The following PTPRN2 variants were observed in gnomAD, a reference collection of about 807,000 sequenced individuals.
PTPRN2 encodes receptor-type tyrosine-protein phosphatase N2.
PTPRN2 carries 74 observed loss-of-function variants against 118.8 expected under a neutral mutation model. That is an observed-to-expected ratio of 0.62 (90% CI 0.52 to 0.76). The LOEUF is 0.76. Among genes scored for constraint, PTPRN2 ranks in the 30% least tolerant of loss-of-function variants. PTPRN2 has a pLI of 0.00. For synonymous variants in PTPRN2, 641 were observed against 608.0 expected (o/e 1.05, Z -0.80); for missense variants, 1,481 against 1,394.4 (o/e 1.06, Z -0.99).
chr7:158,246,955 G>T (rs1276884583), intron 3 of PTPRN2, among the ~76,000 whole-genome samples: 1 of 152,214 alleles, frequency 6.6e-6, no homozygotes, highest in African/African-American at 2.4e-5. Flanking sequence ...GCCATCAGAA[G>T]CCATCTCCAC....
intron 13 of PTPRN2, chr7:157,669,504 C>A: frequency 2.1e-6 from 1 of 478,924 alleles, no homozygotes; most frequent in Non-Finnish European, 4.2e-6. Context: ...CAGGCCCCTC[C>A]CCGCTCCTGA....
At chr7:157,828,417 G>A (rs1354973272) in intron 12 of PTPRN2, among the ~76,000 whole-genome samples, 2 of 152,146 alleles carry the variant, frequency 1.3e-5, no homozygotes, top group African/African-American at 2.4e-5. Flanking sequence ...GCAAGCCCTC[G>A]GCACCCACAG....
intron 16 of PTPRN2, among the ~76,000 whole-genome samples, chr7:157,595,653 CCGGA>C (rs1801288976): frequency 1.4e-5 from 2 of 146,278 alleles, no homozygotes; most frequent in East Asian, 2.3e-4. Flanking sequence ...GTTAGGAAGC[CCGGA>C]AGTTAGGGAG....
chr7:158,445,725 G>C (rs1277232392), intron 2 of PTPRN2, among the ~76,000 whole-genome samples: 2 of 152,216 alleles, frequency 1.3e-5, no homozygotes, highest in Non-Finnish European at 2.9e-5. Context: ...GTGGGGCCAG[G>C]AGACCCTGAG....
intron 2 of PTPRN2, among the ~76,000 whole-genome samples, chr7:158,362,708 CG>C (rs55835654): frequency 0.93 from 141,327 of 152,222 alleles, 65,640 homozygotes; most frequent in Non-Finnish European, 0.94. Flanking sequence ...ATCACAACCA[CG>C]CTCATCCTGG....
intron 3 of PTPRN2, among the ~76,000 whole-genome samples, chr7:158,247,567 T>C (rs972973566): frequency 6.6e-5 from 10 of 152,178 alleles, no homozygotes; most frequent in African/African-American, 2.4e-4. Flanking sequence ...TTGCTCCCTC[T>C]CCAGCCACAC....
intron 11 of PTPRN2, among the ~76,000 whole-genome samples, chr7:158,045,120 T>C (rs900443598): frequency 1.3e-5 from 2 of 152,202 alleles, no homozygotes; most frequent in African/African-American, 4.8e-5. Context: ...CAGAGATTGA[T>C]GCTGAAACCA....
At chr7:157,826,013 G>T (rs1383454459) in intron 12 of PTPRN2, among the ~76,000 whole-genome samples, 1 of 152,190 alleles carries the variant, frequency 6.6e-6, no homozygotes, top group East Asian at 1.9e-4. Context: ...CCCCGTGCAT[G>T]TAAGGGGTCA....
Position 158,454,594 on chromosome 7 carries a change from G to A in PTPRN2, c.163+35141C>T, listed in dbSNP as rs141105981. Among the ~76,000 whole-genome samples, 779 of 151,564 alleles carry A rather than the reference G, an allele frequency of 5.1e-3. 10 individuals are homozygous for A. The highest frequency in any genetic ancestry group is 0.017 in the African/African-American group (721 of 41,298). On this transcript the variant is annotated intron_variant, in intron 2 of 22. Coordinates refer to ENST00000389418, the MANE Select transcript of PTPRN2 (RefSeq NM_002847.5). ...GAGGATTGGGGACGGTTGCTACAGA[G>A]GACAGACAAGACACAACGCACACAA...
chr7:158,519,413 G>C (rs1823819627), intron 1 of PTPRN2, among the ~76,000 whole-genome samples: 1 of 152,106 alleles, frequency 6.6e-6, no homozygotes, highest in Non-Finnish European at 1.5e-5. Context: ...TGCTAGGGCT[G>C]AGTCAGAAGT....
At chr7:157,697,443 C>A (rs1797847141) in intron 12 of PTPRN2, among the ~76,000 whole-genome samples, 1 of 118,650 alleles carries the variant, frequency 8.4e-6, no homozygotes, top group Admixed American at 8.2e-5. Context: ...CACCATCTAC[C>A]CATGCATACT....
chr7:158,408,374 A>G (rs1437583758), intron 2 of PTPRN2, among the ~76,000 whole-genome samples: 1 of 152,242 alleles, frequency 6.6e-6, no homozygotes, highest in Non-Finnish European at 1.5e-5. Flanking sequence ...TAAGGAGCAG[A>G]TTACAGTAGC....
intron 12 of PTPRN2, among the ~76,000 whole-genome samples, chr7:157,696,929 C>A (rs530821809): frequency 8.7e-6 from 1 of 115,094 alleles, no homozygotes; most frequent in Non-Finnish European, 1.8e-5. Context: ...GAGCCCTCAC[C>A]GTCTACTCAT....
At chr7:158,480,436 CACA>C (rs1487389991) in intron 2 of PTPRN2, among the ~76,000 whole-genome samples, 1 of 152,166 alleles carries the variant, frequency 6.6e-6, no homozygotes, top group African/African-American at 2.4e-5. Flanking sequence ...TTCCCTGAGA[CACA>C]ACAATATTGA....
chr7:158,109,653 C>A (rs973111353), intron 10 of PTPRN2, among the ~76,000 whole-genome samples: 16 of 148,960 alleles, frequency 1.1e-4, no homozygotes, highest in Admixed American at 1.1e-3. Flanking sequence ...AATGATGTCA[C>A]CCCTGTGTGA....
Position 158,205,240 on chromosome 7 carries a change from A to G in PTPRN2, c.311T>C (p.Val104Ala), listed in dbSNP as rs1307456973. Residue 104 changes from valine to alanine, a missense_variant, in exon 4 of 23, where the codon GTG becomes GCG. Coordinates refer to ENST00000389418, the MANE Select transcript of PTPRN2 (RefSeq NM_002847.5). The stretch of plus-strand genomic sequence containing the variant: ...GAGGTCTGCAAGTTCCTGGTCCATC[A>G]CATACTGAGTATAGTCATCCTGCCA... The part of the protein sequence containing the change: ...FTWQDDYTQY[V>A]MDQELADLPK... 6.2e-7 allele frequency: 1 copy of G among 1,614,016 alleles called. No individual in the cohort carries two copies. Among genetic ancestry groups the G allele is most frequent in the Non-Finnish European group, 8.5e-7 (1 of 1,180,040 alleles).
chr7:157,959,288 AC>A (rs770040521), intron 11 of PTPRN2, among the ~76,000 whole-genome samples: 6 of 152,368 alleles, frequency 3.9e-5, no homozygotes, highest in East Asian at 3.9e-4. Flanking sequence ...AAGCTTCATG[AC>A]ACTGGATTTG....
intron 11 of PTPRN2, among the ~76,000 whole-genome samples, chr7:157,904,722 C>T (rs2044663405): frequency 6.6e-6 from 1 of 152,246 alleles, no homozygotes; most frequent in South Asian, 2.1e-4. Context: ...CCTGTCCTTG[C>T]TAGTTCACTT....
chr7:158,449,155 T>A (rs7784413), intron 2 of PTPRN2, among the ~76,000 whole-genome samples: 11,271 of 152,258 alleles, frequency 0.074, 443 homozygotes, highest in Middle Eastern at 0.095. Flanking sequence ...CAGTGAACAC[T>A]GAAAACAATC....
Sources: allele counts gnomAD v4.1 joint callset (sites outside exome capture counted in the v4.1 genomes callset), GRCh38; gene constraint gnomAD v4.1.1; transcripts MANE v1.5; gene names NCBI Gene and HGNC (gene_info 2026-07-23, HGNC 2026-07-21).